The following POM121C variants were observed in gnomAD, a reference collection of about 807,000 sequenced individuals.
POM121C encodes nuclear envelope pore membrane protein POM 121C.
A neutral mutation model predicts 66.4 loss-of-function variants in POM121C; 20 were observed. That is an observed-to-expected ratio of 0.30 (90% CI 0.21 to 0.44). The LOEUF is 0.44. POM121C is among the 20% of genes least tolerant of loss of function. The pLI is 1.00. For missense variants in POM121C, 580 were observed against 1,225.7 expected (o/e 0.47, Z 7.87); for synonymous variants, 286 against 528.0 (o/e 0.54, Z 6.28).
At position 75,416,871 on chromosome 7, in the gene POM121C, C is replaced by T. The variant is rs1489092277; in HGVS notation, c.*1925G>A. 4 of 1,441,990 alleles carry T rather than the reference C, an allele frequency of 2.8e-6. No individual in the cohort carries two copies. The highest frequency in any genetic ancestry group is 2.5e-5 in the East Asian group (1 of 40,044). 89.3% of individuals were successfully genotyped at this position (1,441,990 alleles called of 1,614,324 possible). On this transcript the variant is annotated 3_prime_UTR_variant, in exon 15 of 15. Transcript: ENST00000615331. ...TACTAAAAATTCCAACTAGACTCAA[C>T]AGGAATGAAGTCTCTATTTGTAATG... is the stretch of plus-strand genomic sequence containing the variant.
At chr7:75,465,027 T>A (rs1360057800) in intron 3 of POM121C, among the ~76,000 whole-genome samples, 6 of 149,214 alleles carry the variant, frequency 4.0e-5, no homozygotes, top group African/African-American at 1.5e-4. Context: ...GGAGTTTCAC[T>A]CTTGTTGTCT....
intron 3 of POM121C, among the ~76,000 whole-genome samples, chr7:75,461,452 C>T (rs1176620094): frequency 1.3e-5 from 2 of 152,118 alleles, no homozygotes; most frequent in East Asian, 1.9e-4. Flanking sequence ...GAGTCTCTTT[C>T]TGTCGCCCAG....
chr7:75,473,225 C>T (rs1475317740), intron 3 of POM121C, among the ~76,000 whole-genome samples: 4 of 151,968 alleles, frequency 2.6e-5, no homozygotes, highest in African/African-American at 9.7e-5. Context: ...AAGTGTCAGA[C>T]ATATCAATTT....
intron 3 of POM121C, among the ~76,000 whole-genome samples, chr7:75,461,731 T>C (rs1791450729): frequency 3.9e-5 from 6 of 151,930 alleles, no homozygotes; most frequent in Admixed American, 3.9e-4. Context: ...TTAAGAAATG[T>C]AAAATAACTG....
At chr7:75,462,562 G>T (rs1172601052) in intron 3 of POM121C, among the ~76,000 whole-genome samples, 2 of 152,166 alleles carry the variant, frequency 1.3e-5, no homozygotes, top group African/African-American at 2.4e-5. Context: ...CACATTCCCA[G>T]TGTGGTTTCT....
intron 7 of POM121C, among the ~76,000 whole-genome samples, chr7:75,432,207 T>C (rs1177855525): frequency 1.4e-5 from 2 of 142,066 alleles, no homozygotes; most frequent in East Asian, 2.0e-4. Context: ...AAAAAAAAGG[T>C]TAGCAATATC....
chr7:75,441,129 C>G lies in POM121C; in HGVS notation c.66-14G>C. 6.2e-7 allele frequency: 1 copy of G among 1,611,490 alleles called. No individual in the cohort carries two copies. Among genetic ancestry groups the G allele is most frequent in the East Asian group, 2.2e-5 (1 of 44,872 alleles). The stretch of plus-strand genomic sequence containing the variant: ...ATCTGCTCTGGTCTATAATGAAAGA[C>G]AAGATTCTAGCCGTAAGATATTTTA... On this transcript the variant is annotated splice_polypyrimidine_tract_variant and intron_variant, in intron 4 of 14. Transcript: ENST00000615331.
At chr7:75,465,088 G>C (rs1224880464) in intron 3 of POM121C, among the ~76,000 whole-genome samples, 1 of 150,338 alleles carries the variant, frequency 6.7e-6, no homozygotes, top group Non-Finnish European at 1.5e-5. Flanking sequence ...TCTGCCTACC[G>C]GGTTCAAGCA....
chr7:75,465,688 G>A (rs1791611494), intron 3 of POM121C, among the ~76,000 whole-genome samples: 1 of 150,568 alleles, frequency 6.6e-6, no homozygotes, highest in Non-Finnish European at 1.5e-5. Context: ...GGGAGGTGGA[G>A]GTTGCAGTGA....
intron 3 of POM121C, among the ~76,000 whole-genome samples, chr7:75,469,484 G>C (rs1791793146): frequency 6.6e-6 from 1 of 152,088 alleles, no homozygotes; most frequent in Non-Finnish European, 1.5e-5. Context: ...GTTTTGCCTG[G>C]AGTGCTGCCT....
At chr7:75,484,840 C>T (rs1792456828) in intron 1 of POM121C, among the ~76,000 whole-genome samples, 2 of 152,086 alleles carry the variant, frequency 1.3e-5, no homozygotes, top group African/African-American at 4.8e-5. Context: ...CATTATACGG[C>T]TCATGTTTTT....
intron 1 of POM121C, among the ~76,000 whole-genome samples, chr7:75,475,836 T>C (rs1554479284): frequency 6.6e-6 from 1 of 152,150 alleles, no homozygotes; most frequent in East Asian, 1.9e-4. Flanking sequence ...AGGATCAAAT[T>C]ATTTTAACTT....
intron 1 of POM121C, among the ~76,000 whole-genome samples, chr7:75,483,366 G>C (rs1200136943): frequency 6.6e-6 from 1 of 152,146 alleles, no homozygotes; most frequent in East Asian, 1.9e-4. Context: ...CGATGTCATG[G>C]ATGGTGATAT....
At chr7:75,420,989 G>GGTTTGTGT (rs747458743) in intron 13 of POM121C, 1 of 135,462 alleles carries the variant, frequency 7.4e-6, no homozygotes, top group Non-Finnish European at 1.4e-5. Flanking sequence ...TTCAGCTTAC[G>GGTTTGTGT]CTTGAGACAG....
At chr7:75,471,709 C>A (rs1455313920) in intron 3 of POM121C, among the ~76,000 whole-genome samples, 1 of 151,950 alleles carries the variant, frequency 6.6e-6, no homozygotes, top group Non-Finnish European at 1.5e-5. Flanking sequence ...ATGAAGATGG[C>A]GAAAGCACGA....
chr7:75,436,207 C>T (rs1458746288), intron 7 of POM121C, among the ~76,000 whole-genome samples: 2 of 152,132 alleles, frequency 1.3e-5, no homozygotes, highest in African/African-American at 4.8e-5. Context: ...TCTTTACATT[C>T]CTCTTTCTAG....
rs782333861 is a variant in POM121C at position 75,421,989 on chromosome 7, C to T, written c.2263G>A (p.Val755Met). The stretch of plus-strand genomic sequence containing the variant: ...ATGGGCGTAGGCACGTGCGCAGGCA[C>T]GATCTTGATCGTGGACGCAGGTGCA... Reference protein sequence around the residue: ...TPAPASTIKIVPAHVPTPIQP... With the variant: ...TPAPASTIKIMPAHVPTPIQP... Residue 755 changes from valine to methionine, a missense_variant, in exon 13 of 15, where the codon GTG (valine) becomes ATG (methionine). Val to Met is a conservative substitution (Grantham distance 21). Transcript: ENST00000615331. The T allele has an allele frequency of 2.6e-5, 42 of 1,613,796 alleles. No individual in the cohort carries two copies. The highest frequency in any genetic ancestry group is 5.3e-5 in the African/African-American group (4 of 74,956).
chr7:75,439,932 G>A (rs1554473660), intron 5 of POM121C, among the ~76,000 whole-genome samples: 1 of 148,000 alleles, frequency 6.8e-6, no homozygotes, highest in Non-Finnish European at 1.5e-5. Context: ...CCAGGCTAGA[G>A]TGCACTGGCA....
chr7:75,431,463 C>T (rs1415030454), intron 7 of POM121C, among the ~76,000 whole-genome samples: 1 of 150,386 alleles, frequency 6.6e-6, no homozygotes, highest in Non-Finnish European at 1.5e-5. Context: ...ATTTGCTGGG[C>T]GTGGTGGTGC....
Sources: gnomAD v4.1 joint callset for allele counts (sites outside exome capture counted in the v4.1 genomes callset) on GRCh38, gnomAD v4.1.1 for gene constraint, MANE v1.5 for transcripts, NCBI Gene and HGNC (gene_info 2026-07-23, HGNC 2026-07-21) for gene names.